The following ANKRD11 variants were observed in gnomAD, a reference collection of about 807,000 sequenced individuals.
ANKRD11 encodes the protein ankyrin repeat domain-containing protein 11.
In ANKRD11, 17 loss-of-function variants were observed where a neutral mutation model predicts 195.7. That is an observed-to-expected ratio of 0.09 (90% CI 0.06 to 0.13). The LOEUF (loss-of-function observed/expected upper bound fraction) is 0.13. Ranked by LOEUF, ANKRD11 falls within the 10% of genes least tolerant of loss-of-function variation. The pLI, the probability that ANKRD11 is intolerant of heterozygous loss-of-function variation, is 1.00. For missense variants in ANKRD11, 3,735 were observed against 3,566.1 expected, an observed-to-expected ratio of 1.05 and a Z score of -1.21; for synonymous variants, 1,953 against 1,528.1, an observed-to-expected ratio of 1.28 and a Z score of -6.49.
chr16:89,377,912 A>T (rs1024917064), intron 2 of ANKRD11, among the ~76,000 whole-genome samples: 6 of 151,952 alleles, frequency 3.9e-5, no homozygotes, highest in African/African-American at 1.2e-4. Flanking sequence ...CTACTCAATG[A>T]AATGATGAGG....
intron 1 of ANKRD11, among the ~76,000 whole-genome samples, chr16:89,450,984 G>A (rs2044044577): frequency 6.6e-6 from 1 of 152,132 alleles, no homozygotes; most frequent in South Asian, 2.1e-4. Flanking sequence ...AGGTGATCGG[G>A]GTGATCAGAG....
intron 3 of ANKRD11, 142 bp from the exon 4 acceptor site, chr16:89,305,486 G>T: frequency 8.1e-7 from 1 of 1,239,278 alleles, no homozygotes. Flanking sequence ...GTGGCTGTGT[G>T]AGGCTGGTCA....
intron 2 of ANKRD11, among the ~76,000 whole-genome samples, chr16:89,344,216 C>T (rs950788044): frequency 2.6e-5 from 4 of 152,176 alleles, no homozygotes; most frequent in African/African-American, 7.2e-5. Flanking sequence ...TAGGGCTTAA[C>T]GATCCATTTC....
intron 2 of ANKRD11, chr16:89,328,933 G>C (rs1457236945): frequency 3.0e-5 from 4 of 132,188 alleles, no homozygotes; most frequent in Non-Finnish European, 6.4e-5. Flanking sequence ...TGCTGAGTGA[G>C]TGGACATACC....
intron 1 of ANKRD11, among the ~76,000 whole-genome samples, chr16:89,418,916 C>G (rs369398669): frequency 1.7e-4 from 26 of 152,050 alleles, no homozygotes; most frequent in African/African-American, 5.3e-4. Flanking sequence ...ATTACAGGCG[C>G]TCGCCACCCA....
chr16:89,425,963 G>C (rs2042700213), intron 1 of ANKRD11, among the ~76,000 whole-genome samples: 1 of 152,186 alleles, frequency 6.6e-6, no homozygotes, highest in South Asian at 2.1e-4. Context: ...CAAAGTGGAT[G>C]AATGCAGAAC....
intron 2 of ANKRD11, among the ~76,000 whole-genome samples, chr16:89,369,788 G>A (rs986456513): frequency 2.6e-5 from 4 of 152,314 alleles, no homozygotes; most frequent in African/African-American, 4.8e-5. Context: ...CATCAATGCC[G>A]ATATACACCC....
rs528640166 is a variant in ANKRD11 at position 89,369,008 on chromosome 16, C to G, written c.-60+49276G>C. On this transcript the variant is annotated intron_variant, in intron 2 of 12. Transcript: ENST00000301030. ...GGTTGCATAGAGACTTGGGAGTCAA[C>G]CAAGATGTAAGCAGCAGACTGAGAG... Among the ~76,000 whole-genome samples, 9 of 152,218 alleles carry G rather than the reference C, an allele frequency of 5.9e-5. No individual in the cohort carries two copies. In the East Asian group the frequency reaches 1.7e-3, roughly 29 times the overall value.
intron 2 of ANKRD11, among the ~76,000 whole-genome samples, chr16:89,406,105 A>G (rs1200256268): frequency 7.0e-6 from 1 of 142,874 alleles, no homozygotes; most frequent in Non-Finnish European, 1.5e-5. Context: ...GGGAGATTCC[A>G]TCTCAAAAAA....
intron 1 of ANKRD11, among the ~76,000 whole-genome samples, chr16:89,424,962 A>G (rs1007059814): frequency 6.6e-6 from 1 of 152,138 alleles, no homozygotes; most frequent in Non-Finnish European, 1.5e-5. Flanking sequence ...CCTGGCTGTG[A>G]CGTTCTATTA....
intron 2 of ANKRD11, among the ~76,000 whole-genome samples, chr16:89,338,227 G>A (rs1307913151): frequency 3.9e-5 from 6 of 152,012 alleles, no homozygotes; most frequent in South Asian, 4.2e-4. Context: ...AGCCCAGCAC[G>A]TCCACTCAGT....
At chr16:89,325,721 C>T (rs529564112) in intron 2 of ANKRD11, among the ~76,000 whole-genome samples, 3 of 152,270 alleles carry the variant, frequency 2.0e-5, no homozygotes, top group South Asian at 2.1e-4. Context: ...ACTGGGTGGA[C>T]GTTTGGGTTC....
chr16:89,359,156 AG>A, intron 2 of ANKRD11, among the ~76,000 whole-genome samples: 1 of 152,310 alleles, frequency 6.6e-6, no homozygotes, highest in Non-Finnish European at 1.5e-5. Flanking sequence ...TGATTCTGGA[AG>A]AAAAAAAAAA....
chr16:89,390,094 G>A (rs2041116089), intron 2 of ANKRD11, among the ~76,000 whole-genome samples: 1 of 60,144 alleles, frequency 1.7e-5, no homozygotes. Context: ...AGCACAGACA[G>A]AGAAGATCAC....
Position 89,283,163 on chromosome 16 carries a change from T to C in ANKRD11, c.3379A>G (p.Arg1127Gly). Reference protein sequence around the residue: ...DIFTDESEDDRDSCMGSGFKM... With the variant: ...DIFTDESEDDGDSCMGSGFKM... ...AACCCGCTCCCCATGCAGCTGTCTCTGTCGTCCTCACTCTCATCTGTGAAG... is the reference window on the plus strand; with the variant it reads ...AACCCGCTCCCCATGCAGCTGTCTCCGTCGTCCTCACTCTCATCTGTGAAG... Residue 1127 changes from arginine to glycine, a missense_variant, in exon 9 of 13, where the codon AGA becomes GGA. Transcript: ENST00000301030. This position sits in a 1 kb window ranked among gnomAD's most constrained non-coding sequence, Gnocchi z 4.3. 1 of 1,614,108 alleles carries C rather than the reference T, an allele frequency of 6.2e-7. No homozygotes were observed. Among genetic ancestry groups the C allele is most frequent in the South Asian group, 1.1e-5 (1 of 91,076 alleles).
chr16:89,303,809 G>A (rs192709952), intron 4 of ANKRD11, among the ~76,000 whole-genome samples: 3 of 152,328 alleles, frequency 2.0e-5, no homozygotes, highest in East Asian at 1.9e-4. Flanking sequence ...AAGCTGGGGT[G>A]TGGATCCTCT....
chr16:89,291,176 C>T lies in ANKRD11; in HGVS notation c.234G>A (p.Gln78=). ...GEQKDSDTEK[Q]GPERKRIKKE... ...TCTTAATCCTCTTCCGCTCAGGGCC[C>T]TGCTTCTCTGTGAGGCGGGCGAGGG... Residue 78 remains glutamine (Q), a synonymous_variant, in exon 5 of 13, where the codon CAG becomes CAA. Coordinates refer to ENST00000301030, the MANE Select transcript of ANKRD11 (RefSeq NM_013275.6). The surrounding 1 kb of genome is among the most constrained non-coding windows in gnomAD (Gnocchi z 5.3). 6.2e-7 allele frequency: 1 copy of T among 1,613,750 alleles called. No homozygotes were observed. Among genetic ancestry groups the T allele is most frequent in the Non-Finnish European group, 8.5e-7 (1 of 1,179,954 alleles).
At chr16:89,351,919 A>C (rs1002196065) in intron 2 of ANKRD11, among the ~76,000 whole-genome samples, 2 of 152,120 alleles carry the variant, frequency 1.3e-5, no homozygotes, top group African/African-American at 4.8e-5. Flanking sequence ...AGCTGGTATT[A>C]TCTCTTTTTT....
intron 2 of ANKRD11, among the ~76,000 whole-genome samples, chr16:89,386,154 C>T (rs1201300094): frequency 6.6e-6 from 1 of 152,194 alleles, no homozygotes; most frequent in African/African-American, 2.4e-5. Flanking sequence ...AATACAATAC[C>T]GGCTTCCAAT....
Sources: gnomAD v4.1 joint callset for allele counts (sites outside exome capture counted in the v4.1 genomes callset) on GRCh38, gnomAD v4.1.1 for gene constraint, Gnocchi (gnomAD v3.1) non-coding constraint, MANE v1.5 for transcripts, NCBI Gene and HGNC (gene_info 2026-07-23, HGNC 2026-07-21) for gene names.